RBFOX1: variants seen among roughly 807,000 people sequenced by gnomAD.
The protein encoded by RBFOX1 is RNA binding fox-1 homolog 1, also known as RNA binding protein fox-1 homolog 1.
Under a neutral mutation model 57.7 loss-of-function variants are expected in RBFOX1, and 8 were observed. The observed-to-expected ratio is 0.14, with a 90% CI of 0.08 to 0.25. The LOEUF is 0.25. Ranked by LOEUF, RBFOX1 falls within the 10% of genes least tolerant of loss-of-function variation. The probability of loss-of-function intolerance (pLI) is 1.00; values close to 1 mark genes in which losing one functional copy is unlikely to be tolerated. For missense variants in RBFOX1, 611 were observed against 548.5 expected (o/e 1.11, Z -1.14); for synonymous variants, 326 against 222.4 (o/e 1.47, Z -4.15).
At chr16:6,331,596 G>A (rs754474863) in intron 2 of RBFOX1, among the ~76,000 whole-genome samples, 2 of 97,756 alleles carry the variant, frequency 2.0e-5, no homozygotes, top group Non-Finnish European at 4.2e-5. Flanking sequence ...ATATGTGTGT[G>A]TATATATATG....
intron 3 of RBFOX1, among the ~76,000 whole-genome samples, chr16:6,977,548 C>T (rs900894582): frequency 1.3e-5 from 2 of 152,040 alleles, no homozygotes; most frequent in African/African-American, 2.4e-5. Context: ...AGTTCGAAGA[C>T]CTCTGACAAT....
chr16:6,498,440 G>A (rs2095833000), intron 2 of RBFOX1, among the ~76,000 whole-genome samples: 1 of 152,116 alleles, frequency 6.6e-6, no homozygotes, highest in Admixed American at 6.6e-5. Context: ...AGACCAGTTA[G>A]CTTCTAAATG....
intron 3 of RBFOX1, among the ~76,000 whole-genome samples, chr16:6,988,916 C>T (rs560957537): frequency 1.9e-4 from 29 of 152,090 alleles, no homozygotes; most frequent in South Asian, 8.3e-4. Context: ...GGATTACAGG[C>T]GCCCACTACC....
At chr16:7,429,477 T>A (rs1225794155) in intron 4 of RBFOX1, among the ~76,000 whole-genome samples, 1 of 152,230 alleles carries the variant, frequency 6.6e-6, no homozygotes, top group Non-Finnish European at 1.5e-5. Flanking sequence ...TTTTCCTTCA[T>A]CACATTCATA....
chr16:6,980,277 G>A (rs908684476), intron 3 of RBFOX1, among the ~76,000 whole-genome samples: 1 of 152,200 alleles, frequency 6.6e-6, no homozygotes, highest in African/African-American at 2.4e-5. Context: ...GTGTGAGTGT[G>A]TGCGTTTATG....
chr16:6,675,311 T>TG (rs2057446511), intron 3 of RBFOX1, among the ~76,000 whole-genome samples: 1 of 152,186 alleles, frequency 6.6e-6, no homozygotes, highest in Admixed American at 6.5e-5. Flanking sequence ...GCTTTAGGTA[T>TG]GCCTAAATGT....
chr16:6,488,664 G>A (rs2095558858), intron 2 of RBFOX1, among the ~76,000 whole-genome samples: 1 of 152,172 alleles, frequency 6.6e-6, no homozygotes, highest in Non-Finnish European at 1.5e-5. Flanking sequence ...TTTAGAATCT[G>A]TTTACACATA....
intron 2 of RBFOX1, among the ~76,000 whole-genome samples, chr16:6,604,424 A>G (rs992158059): frequency 6.6e-6 from 1 of 152,136 alleles, no homozygotes; most frequent in African/African-American, 2.4e-5. Flanking sequence ...TGATCTTCCC[A>G]TCTCAGCCTC....
Position 7,267,204 on chromosome 16 carries a change from G to T in RBFOX1, c.27+215106G>T, listed in dbSNP as rs151191580. Among the ~76,000 whole-genome samples the T allele has an allele frequency of 2.0e-3, 310 of 152,206 alleles. 1 individual carries two copies. Among genetic ancestry groups the T allele is most frequent in the Non-Finnish European group, 3.0e-3 (201 of 67,992 alleles). On this transcript the variant is annotated intron_variant, in intron 4 of 15. Coordinates refer to ENST00000550418, the MANE Select transcript of RBFOX1 (RefSeq NM_018723.4). ...GCTTGAGGTCAGGTGTTTGAGACCA[G>T]CCTGGCCAACATGGCAAAACCCTGT...
intron 4 of RBFOX1, among the ~76,000 whole-genome samples, chr16:7,484,730 C>A (rs774105816): frequency 1.3e-5 from 2 of 152,198 alleles, no homozygotes; most frequent in Admixed American, 1.3e-4. Context: ...TCCCAAAGTT[C>A]TGGGATGACA....
At chr16:6,969,089 C>T (rs924983864) in intron 3 of RBFOX1, among the ~76,000 whole-genome samples, 5 of 152,070 alleles carry the variant, frequency 3.3e-5, no homozygotes, top group African/African-American at 7.2e-5. Flanking sequence ...ACAGGAGAGA[C>T]CTTCTCCTAA....
intron 2 of RBFOX1, among the ~76,000 whole-genome samples, chr16:6,443,193 C>A (rs1378459076): frequency 6.6e-6 from 1 of 152,142 alleles, no homozygotes; most frequent in Non-Finnish European, 1.5e-5. Flanking sequence ...AAGCATATTC[C>A]TTTCCGGCTG....
At chr16:6,564,587 C>T (rs942575796) in intron 2 of RBFOX1, among the ~76,000 whole-genome samples, 1 of 152,070 alleles carries the variant, frequency 6.6e-6, no homozygotes, top group Non-Finnish European at 1.5e-5. Context: ...TATATGGAAT[C>T]TAAAAAGCTG....
Position 7,622,481 on chromosome 16 carries a change from G to C in RBFOX1, c.677-8122G>C, listed in dbSNP as rs553252748. Among the ~76,000 whole-genome samples, 168 of 152,312 alleles carry C rather than the reference G, an allele frequency of 1.1e-3. 1 individual carries two copies. Among genetic ancestry groups the C allele is most frequent in the Non-Finnish European group, 1.9e-3 (128 of 68,028 alleles). ...TTGGCTGCAGGAGATTAAGTGAACA[G>C]TTGGAGTGAGTCATTAAAATTTTCA... On this transcript the variant is annotated intron_variant, in intron 10 of 15. Transcript: ENST00000550418.
intron 2 of RBFOX1, among the ~76,000 whole-genome samples, chr16:6,617,511 C>G (rs2098161099): frequency 6.6e-6 from 1 of 151,894 alleles, no homozygotes; most frequent in African/African-American, 2.4e-5. Flanking sequence ...GCAGAAGTTT[C>G]ACTGGACCCT....
intron 3 of RBFOX1, among the ~76,000 whole-genome samples, chr16:6,675,394 C>T (rs2057462066): frequency 1.3e-5 from 2 of 151,882 alleles, no homozygotes; most frequent in Non-Finnish European, 2.9e-5. Context: ...GAGTTGACTG[C>T]AATTCAGGTG....
intron 4 of RBFOX1, among the ~76,000 whole-genome samples, chr16:7,426,722 T>C (rs994265375): frequency 2.0e-5 from 3 of 152,068 alleles, no homozygotes. Context: ...GTCCTGAGAA[T>C]ACCAACAGCA....
chr16:5,908,050 A>G (rs2058504110), intron 4 of RBFOX1, among the ~76,000 whole-genome samples: 1 of 148,222 alleles, frequency 6.7e-6, no homozygotes, highest in African/African-American at 2.6e-5. Flanking sequence ...AGCACCTGGT[A>G]GATGTATGTA....
intron 3 of RBFOX1, among the ~76,000 whole-genome samples, chr16:5,712,011 G>C (rs959432454): frequency 8.5e-5 from 13 of 152,324 alleles, no homozygotes; most frequent in Middle Eastern, 3.4e-3. Flanking sequence ...GGCTGGGAAG[G>C]CCTCAGGAAA....
Sources: gnomAD v4.1 joint callset for allele counts (sites outside exome capture counted in the v4.1 genomes callset) on GRCh38, gnomAD v4.1.1 for gene constraint, MANE v1.5 for transcripts, NCBI Gene and HGNC (gene_info 2026-07-23, HGNC 2026-07-21) for gene names.